The following MUC4 variants were observed in gnomAD, a reference collection of about 807,000 sequenced individuals.
MUC4 encodes the protein mucin-4.
Under a neutral mutation model 257.9 loss-of-function variants are expected in MUC4, and 202 were observed. The observed-to-expected ratio is 0.78, with a 90% CI of 0.70 to 0.88. The LOEUF is 0.88. Ranked by LOEUF, MUC4 falls within the 40% of genes least tolerant of loss-of-function variation. The probability of loss-of-function intolerance (pLI) is 0.00; values close to 1 mark genes in which losing one functional copy is unlikely to be tolerated. For missense variants in MUC4, 5,976 were observed against 6,513.7 expected (o/e 0.92, Z 2.84); for synonymous variants, 2,351 against 2,757.1 (o/e 0.85, Z 4.62).
intron 1 of MUC4, among the ~76,000 whole-genome samples, chr3:195,792,643 AG>A (rs1734013346): frequency 6.6e-6 from 1 of 152,246 alleles, no homozygotes; most frequent in Non-Finnish European, 1.5e-5. Context: ...ATATGCCCAA[AG>A]GAATATAAAT....
intron 8 of MUC4, 90 bp downstream of exon 8, chr3:195,766,573 G>A (rs1720543354): frequency 1.7e-6 from 2 of 1,151,440 alleles, no homozygotes; most frequent in Non-Finnish European, 2.6e-6. Context: ...TGATGTTAGG[G>A]AGGTGCCCTC....
At chr3:195,754,190 T>G (rs1717049856) in intron 19 of MUC4, 23 bp downstream of exon 19, 2 of 1,601,728 alleles carry the variant, frequency 1.2e-6, no homozygotes, top group Non-Finnish European at 1.7e-6. Context: ...AAGCGCCTGC[T>G]CCAGGCCCTG....
At position 195,788,021 on chromosome 3, in the gene MUC4, C is replaced by T; in HGVS notation, c.3559G>A (p.Val1187Ile). 2 of 1,435,946 alleles carry T rather than the reference C, an allele frequency of 1.4e-6. No individual in the cohort carries two copies. 89.0% of individuals were successfully genotyped at this position (1,435,946 alleles called of 1,614,324 possible). Residue 1187 changes from valine to isoleucine, a missense_variant, in exon 2 of 25, where the codon GTC becomes ATC. By Grantham distance (29) the Val-to-Ile change is conservative. Coordinates refer to ENST00000463781, the MANE Select transcript of MUC4 (RefSeq NM_018406.7). ...VSTGDTTPLPVTSPSSASTGH... is the reference protein window; with the variant it reads ...VSTGDTTPLPITSPSSASTGH... ...GTGGATGCTGAGGAAGGGCTAGTGA[C>T]AGGAAGAGGCGTGGTGTCACCTGTG...
At position 195,754,256 on chromosome 3, in the gene MUC4, C is replaced by T; in HGVS notation, c.15285G>A (p.Glu5095=). The T allele has an allele frequency of 6.2e-7, 1 of 1,614,046 alleles. No homozygotes were observed. Among genetic ancestry groups the T allele is most frequent in the South Asian group, 1.1e-5 (1 of 91,040 alleles). ...SVHCVPGKGC[E]ACPPNLTGDG... is the part of the protein sequence containing the mutation. ...CCCCAGTCAGGTTTGGAGGGCAGGC[C>T]TCGCAGCCCTTCCCAGGAACGCAGT... Residue 5095 remains glutamate, a synonymous_variant, in exon 19 of 25, where the codon GAG becomes GAA. Coordinates refer to ENST00000463781, the MANE Select transcript of MUC4 (RefSeq NM_018406.7).
Position 195,757,366 on chromosome 3 carries a change from ACTC to A in MUC4, c.14987-41_14987-39del, listed in dbSNP as rs1290590998. On this transcript the variant is annotated intron_variant, in intron 17 of 24. Transcript: ENST00000463781. This position sits in a 1 kb window ranked among gnomAD's most constrained non-coding sequence, Gnocchi z 4.8. ...AGATGAGAATGTTGAGAGCTGGGAG[ACTC>A]CTCGGCTCTGTGGTCTGATTGCTGA... 1 of 1,547,330 alleles carries A rather than the reference ACTC, an allele frequency of 6.5e-7. No homozygotes were observed.
At chr3:195,771,553 G>C (rs1461673761) in intron 5 of MUC4, 99 bp downstream of exon 5, 1 of 1,355,536 alleles carries the variant, frequency 7.4e-7, no homozygotes, top group African/African-American at 1.5e-5. Context: ...TGCTGCAGGG[G>C]CTGTCACAGC....
Position 195,790,834 on chromosome 3 carries a change from G to T in MUC4, c.746C>A (p.Ser249Tyr). 6.2e-7 allele frequency: 1 copy of T among 1,613,796 alleles called. No homozygotes were observed. Among genetic ancestry groups the T allele is most frequent in the Non-Finnish European group, 8.5e-7 (1 of 1,179,864 alleles). The part of the protein sequence containing the change: ...TSPSGETATS[S>Y]LCSVTNTSMM... ...GGATGTGTTTGTGACACTACAGAGG[G>T]ATGAGGTAGCTGTTTCACCTGAAGG... is the stretch of plus-strand genomic sequence containing the variant. The change falls in exon 2 of 25, where the codon TCC (serine) becomes TAC (tyrosine). Residue 249 changes from serine (S) to tyrosine (Y), a missense_variant. Coordinates refer to ENST00000463781, the MANE Select transcript of MUC4 (RefSeq NM_018406.7).
At chr3:195,747,973 G>A (rs1339588619) in intron 24 of MUC4, among the ~76,000 whole-genome samples, 1 of 151,868 alleles carries the variant, frequency 6.6e-6, no homozygotes, top group Non-Finnish European at 1.5e-5. Flanking sequence ...CCCCGCCCCA[G>A]CCCGGCCCCG....
At position 195,789,302 on chromosome 3, in the gene MUC4, C is replaced by T. The variant is rs1733546751; in HGVS notation, c.2278G>A (p.Ala760Thr). 1 of 1,613,874 alleles carries T rather than the reference C, an allele frequency of 6.2e-7. No homozygotes were observed. The highest frequency in any genetic ancestry group is 8.5e-7 in the Non-Finnish European group (1 of 1,179,862). Residue 760 changes from alanine to threonine, a missense_variant, in exon 2 of 25, where the codon GCC (alanine) becomes ACC (threonine). Ala to Thr is a moderately conservative substitution (Grantham distance 58). Coordinates refer to ENST00000463781, the MANE Select transcript of MUC4 (RefSeq NM_018406.7). ...GCTGCTGTGTCAGGTGAGGTGCTGG[C>T]AGAGGCTGATGTCCATTGTCCTTCT... ...GPEGQWTSAS[A>T]STSPDTAAAM...
At chr3:195,747,908 C>T (rs1267903077) in intron 24 of MUC4, among the ~76,000 whole-genome samples, 1 of 152,284 alleles carries the variant, frequency 6.6e-6, no homozygotes, top group Non-Finnish European at 1.5e-5. Context: ...CACGTGCAGT[C>T]AGCTGCACCT....
Position 195,752,314 on chromosome 3 carries a change from C to G in MUC4, c.15582+59G>C, listed in dbSNP as rs1017123828. The G allele has an allele frequency of 7.7e-6, 11 of 1,434,106 alleles. 1 individual carries two copies. Among genetic ancestry groups the G allele is most frequent in the Middle Eastern group, 1.8e-4 (1 of 5,454 alleles). The allele number at this position is 1,434,106 out of a possible 1,614,324, so 88.8% of individuals were successfully genotyped here. A position where few individuals can be genotyped will look rare whatever the true frequency, so the allele number is the denominator to read the frequency against. On this transcript the variant is annotated intron_variant, in intron 21 of 24. Transcript: ENST00000463781. The stretch of plus-strand genomic sequence containing the variant: ...TGAAGGCCGCACAGCGATGGTTCCG[C>G]CCTGGCCTGAACCCGCCAAGCGCCC...
At position 195,788,931 on chromosome 3, in the gene MUC4, C is replaced by T; in HGVS notation, c.2649G>A (p.Gly883=). 1 of 1,613,570 alleles carries T rather than the reference C, an allele frequency of 6.2e-7. No homozygotes were observed. ...TTGGGCTTGACTGTCCTGTCGGTCT[C>T]CCTGCAGTGGAGGCCTCAGAGAGGG... ...HPTLSEASTA[G]RPTGQSSPTS... Residue 883 remains glycine, a synonymous_variant, in exon 2 of 25, where the codon GGG becomes GGA. Transcript: ENST00000463781.
intron 1 of MUC4, among the ~76,000 whole-genome samples, chr3:195,797,879 G>A (rs1055813440): frequency 5.3e-5 from 8 of 152,166 alleles, no homozygotes; most frequent in South Asian, 2.1e-4. Flanking sequence ...GCTGAGGCAG[G>A]AGGAACACTT....
chr3:195,808,956 C>T (rs1339432820), intron 1 of MUC4, among the ~76,000 whole-genome samples: 1 of 152,176 alleles, frequency 6.6e-6, no homozygotes, highest in Non-Finnish European at 1.5e-5. Flanking sequence ...TGGCCGGCGT[C>T]CCCTCCCCTG....
At position 195,784,551 on chromosome 3, in the gene MUC4, G is replaced by A; in HGVS notation, c.7029C>T (p.Ser2343=). Residue 2343 remains serine (S), a synonymous_variant, in exon 2 of 25, where the codon TCC becomes TCT. Transcript: ENST00000463781. ...DTTPLPVTSP[S]SASTGHATPL... is the part of the protein sequence containing the mutation. ...GGGTGGCGTGACCTGTGGATGCTGA[G>A]GAAGGGCTAGTGACAGGAAGAGGCG... is the stretch of plus-strand genomic sequence containing the variant. The A allele has an allele frequency of 6.5e-6, 10 of 1,532,204 alleles. No individual in the cohort carries two copies. The African/African-American group carries it at 1.0e-4, about 16-fold the overall frequency. 94.9% of individuals were successfully genotyped at this position (1,532,204 alleles called of 1,614,324 possible). A position where few individuals can be genotyped will look rare whatever the true frequency, so the allele number is the denominator to read the frequency against.
chr3:195,808,968 C>T (rs1736348753), intron 1 of MUC4, among the ~76,000 whole-genome samples: 1 of 152,186 alleles, frequency 6.6e-6, no homozygotes, highest in Non-Finnish European at 1.5e-5. Context: ...CCTCCCCTGC[C>T]TGCCCTGCAC....
chr3:195,748,722 G>A (rs1715690946), intron 24 of MUC4, among the ~76,000 whole-genome samples, 180 bp downstream of exon 24: 1 of 152,256 alleles, frequency 6.6e-6, no homozygotes, highest in Admixed American at 6.5e-5. Flanking sequence ...TTCAGAGTTT[G>A]TAATATAGCG....
intron 19 of MUC4, 102 bp downstream of exon 19, chr3:195,754,111 C>T (rs1717033173): frequency 7.0e-7 from 1 of 1,420,518 alleles, no homozygotes. Context: ...TTCTAAAGAT[C>T]TGCTGGAAAA....
At chr3:195,763,682 A>C in intron 11 of MUC4, 41 bp from the exon 12 acceptor site, 1 of 1,451,336 alleles carries the variant, frequency 6.9e-7, no homozygotes, top group Non-Finnish European at 9.2e-7. Context: ...ATGACAAATC[A>C]TGTGTAGGGC....
Sources: gnomAD v4.1 joint callset for allele counts (sites outside exome capture counted in the v4.1 genomes callset) on GRCh38, gnomAD v4.1.1 for gene constraint, Gnocchi (gnomAD v3.1) non-coding constraint, MANE v1.5 for transcripts, NCBI Gene and HGNC (gene_info 2026-07-23, HGNC 2026-07-21) for gene names.